CSMD1: variants seen among roughly 807,000 people sequenced by gnomAD.
CSMD1 encodes the protein CUB and sushi domain-containing protein 1.
A neutral mutation model predicts 417.5 loss-of-function variants in CSMD1; 213 were observed. That is an observed-to-expected ratio of 0.51 (90% CI 0.46 to 0.57). The LOEUF is 0.57. Ranked by LOEUF, CSMD1 falls within the 20% of genes least tolerant of loss-of-function variation. The pLI is 0.00. For missense variants in CSMD1, 6,923 were observed against 4,529.7 expected, an observed-to-expected ratio of 1.53 and a Z score of -15.17; for synonymous variants, 2,862 against 1,736.8, an observed-to-expected ratio of 1.65 and a Z score of -16.11.
intron 1 of CSMD1, among the ~76,000 whole-genome samples, chr8:4,757,162 T>G (rs1342500737): frequency 6.6e-6 from 1 of 152,232 alleles, no homozygotes. Flanking sequence ...AGATTTCACT[T>G]CTATAAACAT....
intron 8 of CSMD1, among the ~76,000 whole-genome samples, chr8:3,611,947 A>G (rs1201729906): frequency 3.9e-5 from 6 of 152,116 alleles, no homozygotes; most frequent in Admixed American, 2.0e-4. Flanking sequence ...AGATGACATC[A>G]TTTGCCAATT....
At chr8:4,982,741 G>GAT (rs774194081) in intron 1 of CSMD1, among the ~76,000 whole-genome samples, 13 of 152,170 alleles carry the variant, frequency 8.5e-5, no homozygotes, top group Non-Finnish European at 1.9e-4. Flanking sequence ...TTTGCTAGGA[G>GAT]ATATAGATCA....
chr8:4,349,866 G>A (rs1431997104), intron 3 of CSMD1, among the ~76,000 whole-genome samples: 2 of 133,730 alleles, frequency 1.5e-5, no homozygotes, highest in Non-Finnish European at 3.2e-5. Flanking sequence ...ACTATGTAAT[G>A]TTACCTTTAA....
At chr8:3,440,849 G>GAGACGTTGTCATGAAC (rs1814931570) in intron 12 of CSMD1, among the ~76,000 whole-genome samples, 1 of 152,166 alleles carries the variant, frequency 6.6e-6, no homozygotes, top group African/African-American at 2.4e-5. Flanking sequence ...CTGCCTTGCT[G>GAGACGTTGTCATGAAC]AGACGTTGTC....
intron 12 of CSMD1, among the ~76,000 whole-genome samples, chr8:3,420,283 C>G (rs907841866): frequency 2.6e-5 from 4 of 152,006 alleles, no homozygotes; most frequent in African/African-American, 7.2e-5. Flanking sequence ...ATAGTCTACA[C>G]AATACCAACC....
intron 52 of CSMD1, among the ~76,000 whole-genome samples, chr8:3,012,862 T>C (rs1808508076): frequency 6.6e-6 from 1 of 152,156 alleles, no homozygotes; most frequent in South Asian, 2.1e-4. Context: ...AATCCCCACC[T>C]GTCAAGGATG....
At chr8:4,085,144 T>G (rs928523587) in intron 3 of CSMD1, among the ~76,000 whole-genome samples, 18 of 152,188 alleles carry the variant, frequency 1.2e-4, no homozygotes, top group African/African-American at 3.6e-4. Context: ...GTCACCGGCC[T>G]TGAAGGCGTC....
intron 2 of CSMD1, among the ~76,000 whole-genome samples, chr8:4,452,389 G>A (rs1021915784): frequency 6.6e-6 from 1 of 152,148 alleles, no homozygotes; most frequent in Non-Finnish European, 1.5e-5. Flanking sequence ...TAGCCTCGAG[G>A]GCTTGGGGTT....
chr8:3,493,326 G>A (rs1211062668), intron 11 of CSMD1, among the ~76,000 whole-genome samples: 1 of 150,940 alleles, frequency 6.6e-6, no homozygotes, highest in Non-Finnish European at 1.5e-5. Flanking sequence ...GGGGCGGAGG[G>A]GTTGATTTGA....
At chr8:4,453,097 G>A (rs1457434308) in intron 2 of CSMD1, among the ~76,000 whole-genome samples, 1 of 152,034 alleles carries the variant, frequency 6.6e-6, no homozygotes, top group Non-Finnish European at 1.5e-5. Flanking sequence ...GCTATAGACA[G>A]GGAGCCAATG....
intron 3 of CSMD1, among the ~76,000 whole-genome samples, chr8:4,034,545 A>T (rs1186303911): frequency 1.3e-5 from 2 of 152,162 alleles, no homozygotes; most frequent in African/African-American, 4.8e-5. Flanking sequence ...AGGAAGAAAA[A>T]CTTTCCATTT....
At chr8:3,488,348 T>C (rs1818177567) in intron 11 of CSMD1, among the ~76,000 whole-genome samples, 1 of 152,078 alleles carries the variant, frequency 6.6e-6, no homozygotes, top group South Asian at 2.1e-4. Flanking sequence ...CCTCAAGTAT[T>C]TCTCCCTCCT....
At chr8:4,075,542 G>C (rs1033637703) in intron 3 of CSMD1, among the ~76,000 whole-genome samples, 1 of 152,162 alleles carries the variant, frequency 6.6e-6, no homozygotes, top group Non-Finnish European at 1.5e-5. Flanking sequence ...TATCCCCTTA[G>C]AGAATATATG....
At chr8:3,647,951 T>C (rs531491017) in intron 7 of CSMD1, among the ~76,000 whole-genome samples, 1 of 152,360 alleles carries the variant, frequency 6.6e-6, no homozygotes, top group South Asian at 2.1e-4. Context: ...TGCCACTTCA[T>C]AAAGCAGTGA....
At chr8:3,962,991 C>A (rs868725735) in intron 5 of CSMD1, among the ~76,000 whole-genome samples, 1 of 152,074 alleles carries the variant, frequency 6.6e-6, no homozygotes, top group Non-Finnish European at 1.5e-5. Context: ...GGCTGGAGTG[C>A]GGTGGAGCAA....
At chr8:4,747,210 T>A (rs1394341654) in intron 1 of CSMD1, among the ~76,000 whole-genome samples, 1 of 152,228 alleles carries the variant, frequency 6.6e-6, no homozygotes. Context: ...GGAGAATTTC[T>A]ACCTTCAGTA....
chr8:4,277,525 T>A (rs142408644), intron 3 of CSMD1, among the ~76,000 whole-genome samples: 10 of 152,296 alleles, frequency 6.6e-5, no homozygotes, highest in African/African-American at 2.4e-4. Flanking sequence ...TTTTCTTTTA[T>A]ATCTAGAGAG....
At chr8:4,525,580 A>G (rs1796471771) in intron 2 of CSMD1, among the ~76,000 whole-genome samples, 1 of 152,198 alleles carries the variant, frequency 6.6e-6, no homozygotes, top group Non-Finnish European at 1.5e-5. Context: ...AGAAATTGTA[A>G]TTATCTGGTT....
chr8:2,987,447 AAAG>A (rs1329092695), intron 54 of CSMD1, among the ~76,000 whole-genome samples: 1 of 148,744 alleles, frequency 6.7e-6, no homozygotes, highest in Admixed American at 6.7e-5. Flanking sequence ...AGAAATATAT[AAAG>A]AAGTATATTT....
Sources: gnomAD v4.1 joint callset for allele counts (sites outside exome capture counted in the v4.1 genomes callset) on GRCh38, gnomAD v4.1.1 for gene constraint, MANE v1.5 for transcripts, NCBI Gene and HGNC (gene_info 2026-07-23, HGNC 2026-07-21) for gene names.